The following ARAP2 variants were observed in gnomAD, a reference collection of about 807,000 sequenced individuals.
ARAP2 encodes arf-GAP with Rho-GAP domain, ANK repeat and PH domain-containing protein 2.
In ARAP2, 148 loss-of-function variants were observed where a neutral mutation model predicts 194.5. That is an observed-to-expected ratio of 0.76 (90% CI 0.67 to 0.87). The LOEUF is 0.87. ARAP2 is among the 40% of genes least tolerant of loss of function. The pLI, the probability that ARAP2 is intolerant of heterozygous loss-of-function variation, is 0.00. For missense variants in ARAP2, 2,128 were observed against 1,989.7 expected (o/e 1.07, Z -1.32); for synonymous variants, 695 against 683.5 (o/e 1.02, Z -0.26).
At chr4:36,095,182 G>A (rs529522462) in intron 27 of ARAP2, among the ~76,000 whole-genome samples, 6 of 152,258 alleles carry the variant, frequency 3.9e-5, no homozygotes, top group Middle Eastern at 3.4e-3. Flanking sequence ...TCCTTGCAGG[G>A]TGGAAGAAGA....
intron 19 of ARAP2, among the ~76,000 whole-genome samples, chr4:36,137,236 T>G (rs1372450747): frequency 1.3e-5 from 2 of 151,878 alleles, no homozygotes; most frequent in Admixed American, 1.3e-4. Flanking sequence ...TGTTCCTCTC[T>G]CATGCACATG....
intron 1 of ARAP2, among the ~76,000 whole-genome samples, chr4:36,235,457 A>T (rs903843124): frequency 2.0e-5 from 3 of 152,068 alleles, no homozygotes; most frequent in Non-Finnish European, 4.4e-5. Flanking sequence ...TCACTTTGGT[A>T]TGTCTCTGCT....
At chr4:36,187,664 C>T in intron 7 of ARAP2, 93 bp from the exon 8 acceptor site, 1 of 1,129,198 alleles carries the variant, frequency 8.9e-7, no homozygotes, top group Non-Finnish European at 1.2e-6. Flanking sequence ...AACTGCTTCT[C>T]TTTATAATTT....
intron 1 of ARAP2, among the ~76,000 whole-genome samples, chr4:36,237,135 CA>C (rs1363334979): frequency 2.6e-5 from 4 of 152,166 alleles, no homozygotes; most frequent in Non-Finnish European, 4.4e-5. Flanking sequence ...TTTAGTTTAT[CA>C]AAACTTATTG....
rs945864461 is a variant in ARAP2, at chr4:36,150,931, T to G, written c.2866A>C (p.Ile956Leu). ...ININEVICLA[I>L]HKEDFYLNTG... ...TTTAAATAGAAGTCCTCTTTGTGTA[T>G]AGCCAGGCAGATAACTTCATTGATA... The change falls in exon 16 of 33, where the codon ATA (isoleucine) becomes CTA (leucine). Residue 956 changes from isoleucine (I) to leucine (L), a missense_variant. Transcript: ENST00000303965. The G allele has an allele frequency of 6.2e-7, 1 of 1,613,176 alleles. No individual in the cohort carries two copies. Among genetic ancestry groups the G allele is most frequent in the Non-Finnish European group, 8.5e-7 (1 of 1,179,602 alleles).
chr4:36,141,043 T>A (rs1728193390), intron 19 of ARAP2, among the ~76,000 whole-genome samples: 1 of 151,608 alleles, frequency 6.6e-6, no homozygotes, highest in African/African-American at 2.4e-5. Context: ...GTAAACACAG[T>A]AACTTATTTC....
chr4:36,196,537 C>T (rs942482908), intron 6 of ARAP2, among the ~76,000 whole-genome samples: 1 of 152,094 alleles, frequency 6.6e-6, no homozygotes, highest in African/African-American at 2.4e-5. Flanking sequence ...ATGTCTTCAT[C>T]TATTTTTAAC....
intron 1 of ARAP2, among the ~76,000 whole-genome samples, chr4:36,231,964 T>C (rs376889339): frequency 1.3e-4 from 20 of 152,150 alleles, no homozygotes; most frequent in African/African-American, 3.4e-4. Flanking sequence ...CTTGATAAGA[T>C]AGGATTAGTT....
intron 23 of ARAP2, among the ~76,000 whole-genome samples, chr4:36,120,902 G>A (rs1319497913): frequency 6.6e-6 from 1 of 151,358 alleles, no homozygotes; most frequent in Non-Finnish European, 1.5e-5. Flanking sequence ...TCATACACAT[G>A]AAGAAAAAGA....
chr4:36,211,166 T>C (rs920989571), intron 5 of ARAP2, among the ~76,000 whole-genome samples: 3 of 152,114 alleles, frequency 2.0e-5, no homozygotes, highest in Non-Finnish European at 4.4e-5. Context: ...TACCCCTCTC[T>C]ACTATCCTCT....
intron 7 of ARAP2, among the ~76,000 whole-genome samples, chr4:36,191,282 A>T (rs1435797924): frequency 6.6e-6 from 1 of 152,186 alleles, no homozygotes; most frequent in Non-Finnish European, 1.5e-5. Flanking sequence ...GTAGCACTGT[A>T]CTGAAAGAAA....
At chr4:36,013,852 A>G (rs1041043158) in intron 8 of ARAP2, among the ~76,000 whole-genome samples, 2 of 152,200 alleles carry the variant, frequency 1.3e-5, no homozygotes, top group African/African-American at 4.8e-5. Flanking sequence ...AGTGAAAGAG[A>G]CAGCAGTTAC....
At chr4:36,203,865 C>A (rs571436042) in intron 6 of ARAP2, among the ~76,000 whole-genome samples, 3 of 151,960 alleles carry the variant, frequency 2.0e-5, no homozygotes, top group African/African-American at 7.2e-5. Flanking sequence ...AGGGACAAAA[C>A]CACTCCTCCA....
chr4:36,189,245 A>AT (rs954011770), intron 7 of ARAP2, among the ~76,000 whole-genome samples: 5 of 151,914 alleles, frequency 3.3e-5, no homozygotes, highest in South Asian at 2.1e-4. Context: ...CTTTTCCACT[A>AT]TTTTTTTTTA....
intron 5 of ARAP2, among the ~76,000 whole-genome samples, chr4:36,032,329 C>A (rs190761713): frequency 7.5e-4 from 114 of 152,294 alleles, no homozygotes; most frequent in African/African-American, 2.7e-3. Context: ...AAGGAAAGGG[C>A]TCAGAGGAGC....
In ARAP2 at chr4:36,067,069, T is replaced by A. The variant is rs1725640667; in HGVS notation, c.*838A>T. 1 of 152,216 alleles carries A rather than the reference T, an allele frequency of 6.6e-6. No homozygotes were observed. Among genetic ancestry groups the A allele is most frequent in the African/African-American group, 2.4e-5 (1 of 41,456 alleles). The allele number at this position is 152,216 out of a possible 1,614,324, so 9.4% of individuals were successfully genotyped here. On this transcript the variant is annotated 3_prime_UTR_variant, in exon 33 of 33. Coordinates refer to ENST00000303965, the MANE Select transcript of ARAP2 (RefSeq NM_015230.4). ...ATGCTTGCATACAATGACAGTGCAA[T>A]CAGCATCCAGGCCAGGTCCTGTGTA...
intron 31 of ARAP2, among the ~76,000 whole-genome samples, chr4:36,077,436 T>C (rs1728503627): frequency 6.6e-6 from 1 of 152,036 alleles, no homozygotes; most frequent in Non-Finnish European, 1.5e-5. Flanking sequence ...TTCTACCTAT[T>C]AAACCTCCTG....
intron 26 of ARAP2, among the ~76,000 whole-genome samples, chr4:36,112,606 C>G (rs896944504): frequency 6.6e-6 from 1 of 151,460 alleles, no homozygotes; most frequent in African/African-American, 2.4e-5. Context: ...ACCCTTGTAC[C>G]ACAGGGTCAT....
chr4:36,069,806 C>T (rs757465777), intron 32 of ARAP2, among the ~76,000 whole-genome samples: 9 of 152,106 alleles, frequency 5.9e-5, no homozygotes, highest in Admixed American at 2.6e-4. Flanking sequence ...GGAGATGAGG[C>T]CTGATAGGAG....
Sources: allele counts gnomAD v4.1 joint callset (sites outside exome capture counted in the v4.1 genomes callset), GRCh38; gene constraint gnomAD v4.1.1; transcripts MANE v1.5; gene names NCBI Gene and HGNC (gene_info 2026-07-23, HGNC 2026-07-21).